ZYG11B: variants seen among roughly 807,000 people sequenced by gnomAD.
ZYG11B encodes protein zyg-11 homolog B.
A neutral mutation model predicts 82.4 loss-of-function variants in ZYG11B; 36 were observed. The ratio of observed to expected loss-of-function variants is 0.44; its 90% CI spans 0.33 to 0.58. ZYG11B has a LOEUF of 0.58. Ranked by LOEUF, ZYG11B falls within the 20% of genes least tolerant of loss-of-function variation. The pLI, the probability that ZYG11B is intolerant of heterozygous loss-of-function variation, is 0.02. For synonymous variants in ZYG11B, 303 were observed against 312.8 expected, an observed-to-expected ratio of 0.97 and a Z score of 0.33; for missense variants, 552 against 895.6, an observed-to-expected ratio of 0.62 and a Z score of 4.90.
chr1:52,743,555 TA>T (rs1366428199), intron 1 of ZYG11B, among the ~76,000 whole-genome samples: 4 of 150,430 alleles, frequency 2.7e-5, no homozygotes, highest in Non-Finnish European at 4.4e-5. Context: ...TTACCAAAAA[TA>T]AAAAAAAATT....
chr1:52,787,905 A>G (rs1248526121), intron 5 of ZYG11B, among the ~76,000 whole-genome samples: 3 of 152,174 alleles, frequency 2.0e-5, no homozygotes, highest in Admixed American at 2.0e-4. Context: ...GAAAGTTGAG[A>G]ATGATTAATT....
chr1:52,742,665 G>A (rs1422061461), intron 1 of ZYG11B, among the ~76,000 whole-genome samples: 1 of 151,730 alleles, frequency 6.6e-6, no homozygotes, highest in Non-Finnish European at 1.5e-5. Flanking sequence ...ACATGGTGAA[G>A]CCTCGTCTCT....
intron 1 of ZYG11B, among the ~76,000 whole-genome samples, chr1:52,742,593 A>T (rs1644439644): frequency 6.6e-6 from 1 of 152,200 alleles, no homozygotes; most frequent in Non-Finnish European, 1.5e-5. Flanking sequence ...CTGTAATCCC[A>T]GCACTTTCGG....
chr1:52,763,385 A>G (rs1027967043), intron 2 of ZYG11B, among the ~76,000 whole-genome samples: 9 of 152,196 alleles, frequency 5.9e-5, no homozygotes, highest in African/African-American at 2.2e-4. Context: ...TGCTTTAAGT[A>G]GTATGTATAA....
At chr1:52,779,728 G>A in intron 3 of ZYG11B, 125 bp from the exon 4 acceptor site, 2 of 1,150,080 alleles carry the variant, frequency 1.7e-6, no homozygotes, top group Admixed American at 2.5e-5. Context: ...GACTTCACAT[G>A]ATCCACCCAC....
In ZYG11B at chr1:52,816,589, A is replaced by G. The variant is rs551369053; in HGVS notation, c.2004A>G (p.Leu668=). The G allele has an allele frequency of 3.1e-6, 5 of 1,613,374 alleles. No homozygotes were observed. The highest frequency in any genetic ancestry group is 2.7e-5 in the African/African-American group (2 of 74,942). Residue 668 remains leucine (L), a synonymous_variant, in exon 13 of 14, where the codon CTA becomes CTG. Coordinates refer to ENST00000294353, the MANE Select transcript of ZYG11B (RefSeq NM_024646.3). ...LGCFTTPGVQ[L]WAVWAMQHVC... ...GTTTCACAACACCAGGAGTTCAGCT[A>G]TGGGCAGTTTGGGCCATGCAACATG... is the stretch of plus-strand genomic sequence containing the variant.
intron 2 of ZYG11B, among the ~76,000 whole-genome samples, chr1:52,758,259 A>T (rs1239629412): frequency 6.6e-6 from 1 of 151,888 alleles, no homozygotes; most frequent in African/African-American, 2.4e-5. Context: ...ACTCATAAGT[A>T]TGGAATATGA....
intron 3 of ZYG11B, among the ~76,000 whole-genome samples, chr1:52,774,551 C>T (rs946315529): frequency 3.4e-5 from 5 of 149,122 alleles, no homozygotes; most frequent in Non-Finnish European, 7.4e-5. Context: ...AGGTGATCTG[C>T]CTGCCTCGGC....
At position 52,751,985 on chromosome 1, in the gene ZYG11B, G is replaced by T. The variant is rs139474803; in HGVS notation, c.31-4473G>T. ...GTGTGGTTTTTTTTTTTCCCTATAC[G>T]GAGCAATTCTCCTATTCTCAGCAGA... On this transcript the variant is annotated intron_variant, in intron 1 of 13. Coordinates refer to ENST00000294353, the MANE Select transcript of ZYG11B (RefSeq NM_024646.3). 8.2e-3 allele frequency among the ~76,000 whole-genome samples: 1,241 copies of T among 150,684 alleles called. 17 individuals are homozygous for T. In the Middle Eastern group the frequency reaches 0.13, roughly 16 times the overall value.
chr1:52,737,871 G>A (rs950641303), intron 1 of ZYG11B, among the ~76,000 whole-genome samples: 2 of 152,212 alleles, frequency 1.3e-5, no homozygotes, highest in Non-Finnish European at 2.9e-5. Context: ...GAAAAAAATT[G>A]AACACTCTGT....
chr1:52,775,448 T>TGG (rs1471076551), intron 3 of ZYG11B, among the ~76,000 whole-genome samples: 1 of 152,000 alleles, frequency 6.6e-6, no homozygotes, highest in East Asian at 1.9e-4. Flanking sequence ...CCCAGCACTT[T>TGG]GGGAGGCCAA....
intron 1 of ZYG11B, among the ~76,000 whole-genome samples, chr1:52,748,200 T>C (rs1301473035): frequency 6.6e-6 from 1 of 152,182 alleles, no homozygotes; most frequent in Non-Finnish European, 1.5e-5. Flanking sequence ...AATGCAATAA[T>C]GTAATTGTGC....
At chr1:52,816,087 T>C (rs773128165) in intron 12 of ZYG11B, among the ~76,000 whole-genome samples, 47 of 152,230 alleles carry the variant, frequency 3.1e-4, no homozygotes, top group Non-Finnish European at 5.9e-4. Context: ...TCATAAATGC[T>C]GATGTTGCCA....
chr1:52,806,023 TTA>T (rs552945328), intron 10 of ZYG11B, among the ~76,000 whole-genome samples: 163 of 151,932 alleles, frequency 1.1e-3, no homozygotes, highest in Middle Eastern at 3.4e-3. Flanking sequence ...TAATATAACT[TTA>T]TATGTTTCCT....
chr1:52,777,535 C>T (rs1402736402), intron 3 of ZYG11B, among the ~76,000 whole-genome samples: 2 of 152,050 alleles, frequency 1.3e-5, no homozygotes, highest in African/African-American at 2.4e-5. Context: ...GCCTCAAATT[C>T]GTGGGCTCAA....
At chr1:52,800,489 G>T (rs1558138943) in intron 8 of ZYG11B, among the ~76,000 whole-genome samples, 1 of 151,962 alleles carries the variant, frequency 6.6e-6, no homozygotes, top group Non-Finnish European at 1.5e-5. Flanking sequence ...CTACTCATAT[G>T]CTTTGGGAGG....
At chr1:52,784,775 A>G in intron 4 of ZYG11B, 102 bp from the exon 5 acceptor site, 2 of 1,302,954 alleles carry the variant, frequency 1.5e-6, no homozygotes, top group Admixed American at 4.4e-5. Context: ...AAAGAAAATT[A>G]TGACATCTTT....
rs1438991286 is a variant in ZYG11B at position 52,826,345 on chromosome 1, T to C, written c.*4716T>C. On this transcript the variant is annotated 3_prime_UTR_variant, in exon 14 of 14. Coordinates refer to ENST00000294353, the MANE Select transcript of ZYG11B (RefSeq NM_024646.3). ...ATAATGGATGTTTAGTCCTTATCAT[T>C]TGCTGTGTTTTGACAGTTTTTAATT... is the stretch of plus-strand genomic sequence containing the variant. The C allele has an allele frequency of 7.2e-5, 11 of 152,222 alleles. No homozygotes were observed. The East Asian group carries it at 2.1e-3, about 29-fold the overall frequency. The allele number at this position is 152,222 out of a possible 1,614,324, so 9.4% of individuals were successfully genotyped here. A position where few individuals can be genotyped will look rare whatever the true frequency, so the allele number is the denominator to read the frequency against.
intron 1 of ZYG11B, among the ~76,000 whole-genome samples, chr1:52,745,005 A>G (rs368985277): frequency 1.3e-5 from 2 of 152,374 alleles, no homozygotes; most frequent in South Asian, 2.1e-4. Context: ...TGCTACCAGC[A>G]TAATTCACAA....
Sources: gnomAD v4.1 joint callset for allele counts (sites outside exome capture counted in the v4.1 genomes callset) on GRCh38, gnomAD v4.1.1 for gene constraint, MANE v1.5 for transcripts, NCBI Gene and HGNC (gene_info 2026-07-23, HGNC 2026-07-21) for gene names.